IMMP1L: variants seen among roughly 807,000 people sequenced by gnomAD.
The protein encoded by IMMP1L is inner mitochondrial membrane peptidase subunit 1.
A neutral mutation model predicts 21.8 loss-of-function variants in IMMP1L; 24 were observed. The ratio of observed to expected loss-of-function variants is 1.10; its 90% confidence interval spans 0.80 to 1.55. IMMP1L has a LOEUF of 1.55. IMMP1L is among the 40% of genes most tolerant of loss of function. IMMP1L has a pLI of 0.00. For synonymous variants in IMMP1L, 46 were observed against 62.8 expected (o/e 0.73, Z 1.26); for missense variants, 195 against 200.7 (o/e 0.97, Z 0.17).
chr11:31,461,088 A>C (rs1453358237), intron 2 of IMMP1L, among the ~76,000 whole-genome samples: 1 of 152,318 alleles, frequency 6.6e-6, no homozygotes, highest in African/African-American at 2.4e-5. Context: ...TAAACCATAC[A>C]TATTGGTTGA....
chr11:31,499,559 T>A (rs566796269), intron 1 of IMMP1L, among the ~76,000 whole-genome samples: 32 of 152,288 alleles, frequency 2.1e-4, no homozygotes, highest in African/African-American at 7.0e-4. Context: ...CAGATATGGT[T>A]AGCAAATTAT....
intron 1 of IMMP1L, among the ~76,000 whole-genome samples, chr11:31,507,488 C>T (rs997064376): frequency 2.6e-5 from 4 of 152,070 alleles, no homozygotes; most frequent in African/African-American, 9.7e-5. Flanking sequence ...TAAGTAAATA[C>T]AGTAGGAAAC....
chr11:31,442,805 C>G (rs893872726), intron 4 of IMMP1L, among the ~76,000 whole-genome samples: 2 of 151,056 alleles, frequency 1.3e-5, no homozygotes, highest in Non-Finnish European at 2.9e-5. Flanking sequence ...AAAAAGAGCA[C>G]ACATTTATGA....
chr11:31,448,744 A>G (rs1468235929), intron 4 of IMMP1L, among the ~76,000 whole-genome samples: 1 of 152,236 alleles, frequency 6.6e-6, no homozygotes, highest in African/African-American at 2.4e-5. Context: ...AGATTATTAT[A>G]AACTCCATAT....
chr11:31,436,957 G>T (rs897856945), intron 4 of IMMP1L: 1 of 206,942 alleles, frequency 4.8e-6, no homozygotes, highest in African/African-American at 2.3e-5. Context: ...ACAGTAAAGG[G>T]ATTGCCTACA....
intron 4 of IMMP1L, among the ~76,000 whole-genome samples, chr11:31,455,077 T>C (rs2133624669): frequency 6.6e-6 from 1 of 152,314 alleles, no homozygotes; most frequent in Non-Finnish European, 1.5e-5. Flanking sequence ...GTATTTAGCA[T>C]TGTAGTAATA....
intron 1 of IMMP1L, among the ~76,000 whole-genome samples, chr11:31,485,444 T>C (rs942248286): frequency 6.6e-6 from 1 of 151,860 alleles, no homozygotes; most frequent in Non-Finnish European, 1.5e-5. Flanking sequence ...GCATATATAT[T>C]AGACAGAAAT....
At position 31,453,187 on chromosome 11, in the gene IMMP1L, T is replaced by C. The variant is rs1325691268; in HGVS notation, c.321+3073A>G. On this transcript the variant is annotated intron_variant, in intron 4 of 5. Transcript: ENST00000532287. ...AAAACAAACAAACAAAAAAGAACTC[T>C]GGAAAGAATAAAATGATCCCACATC... is the stretch of plus-strand genomic sequence containing the variant. The C allele has an allele frequency of 4.9e-6, 5 of 1,030,338 alleles. No homozygotes were observed. In the Admixed American group the frequency reaches 8.5e-5, roughly 18 times the overall value. 63.8% of individuals were successfully genotyped at this position (1,030,338 alleles called of 1,614,324 possible). A position where few individuals can be genotyped will look rare whatever the true frequency, so the allele number is the denominator to read the frequency against.
At chr11:31,436,665 C>T (rs1295976969) in intron 4 of IMMP1L, among the ~76,000 whole-genome samples, 1 of 152,016 alleles carries the variant, frequency 6.6e-6, no homozygotes, top group Non-Finnish European at 1.5e-5. Context: ...CTCCTGACCT[C>T]AAGCAATCCA....
intron 4 of IMMP1L, among the ~76,000 whole-genome samples, chr11:31,435,545 C>A (rs1451049): frequency 1.8e-4 from 27 of 152,226 alleles, no homozygotes; most frequent in Middle Eastern, 3.4e-3. Flanking sequence ...ATTACTTTTG[C>A]ACCAATCTAA....
intron 1 of IMMP1L, chr11:31,477,460 A>C: frequency 1.4e-6 from 1 of 706,096 alleles, no homozygotes; most frequent in Non-Finnish European, 1.7e-6. Context: ...ATAAGGTTAC[A>C]TATTATAAAT....
At chr11:31,482,444 C>T (rs1043323288) in intron 1 of IMMP1L, among the ~76,000 whole-genome samples, 1 of 151,852 alleles carries the variant, frequency 6.6e-6, no homozygotes, top group African/African-American at 2.4e-5. Context: ...GAAATAGTTG[C>T]AATACCCATC....
chr11:31,453,767 C>T (rs1953841661), intron 4 of IMMP1L, among the ~76,000 whole-genome samples: 1 of 152,102 alleles, frequency 6.6e-6, no homozygotes, highest in South Asian at 2.1e-4. Context: ...TCTTTCAGAA[C>T]CAATACTGCC....
At chr11:31,454,636 A>C (rs1476271304) in intron 4 of IMMP1L, among the ~76,000 whole-genome samples, 1 of 152,248 alleles carries the variant, frequency 6.6e-6, no homozygotes, top group African/African-American at 2.4e-5. Flanking sequence ...TGCATCAATT[A>C]AAAACAAAAA....
At chr11:31,470,434 C>CAAAAAAAAAAAAAAAAAAAAAAAAAAAA (rs1027463461) in intron 1 of IMMP1L, among the ~76,000 whole-genome samples, 1 of 128,102 alleles carries the variant, frequency 7.8e-6, no homozygotes, top group Non-Finnish European at 1.7e-5. Flanking sequence ...AAACAAAAAA[C>CAAAAAAAAAAAAAAAAAAAAAAAAAAAA]AAAAAAAAAA....
At chr11:31,436,394 A>G (rs1056485003) in intron 4 of IMMP1L, among the ~76,000 whole-genome samples, 1 of 152,204 alleles carries the variant, frequency 6.6e-6, no homozygotes, top group Non-Finnish European at 1.5e-5. Flanking sequence ...TGTAGCAGTT[A>G]TGACCTGAGT....
At chr11:31,452,919 T>A (rs1328935296) in intron 4 of IMMP1L, 1 of 627,346 alleles carries the variant, frequency 1.6e-6, no homozygotes, top group African/African-American at 2.0e-5. Flanking sequence ...CCTGGCTAAT[T>A]TTTTGCATTT....
At chr11:31,489,145 C>T (rs998748682) in intron 1 of IMMP1L, among the ~76,000 whole-genome samples, 7 of 152,212 alleles carry the variant, frequency 4.6e-5, no homozygotes, top group East Asian at 3.9e-4. Flanking sequence ...GATCCGCCTG[C>T]CTCAGCCTCC....
At chr11:31,450,272 T>C (rs1953700319) in intron 4 of IMMP1L, among the ~76,000 whole-genome samples, 1 of 152,168 alleles carries the variant, frequency 6.6e-6, no homozygotes, top group African/African-American at 2.4e-5. Flanking sequence ...TAGTAGGCAA[T>C]GAATGTTGCA....
Sources: gnomAD v4.1 joint callset for allele counts (sites outside exome capture counted in the v4.1 genomes callset) on GRCh38, gnomAD v4.1.1 for gene constraint, MANE v1.5 for transcripts, NCBI Gene and HGNC (gene_info 2026-07-23, HGNC 2026-07-21) for gene names.